The following SCN3A variants were observed in gnomAD, a reference collection of about 807,000 sequenced individuals.
SCN3A encodes the protein sodium voltage-gated channel alpha subunit 3, also known as sodium channel protein type 3 subunit alpha.
SCN3A carries 60 observed loss-of-function variants against 187.6 expected under a neutral mutation model. That is an observed-to-expected ratio of 0.32 (90% CI 0.26 to 0.40). The LOEUF (loss-of-function observed/expected upper bound fraction) is 0.40. Ranked by LOEUF, SCN3A falls within the 10% of genes least tolerant of loss-of-function variation. SCN3A has a pLI of 1.00. For missense variants in SCN3A, 1,601 were observed against 2,428.2 expected (o/e 0.66, Z 7.16); for synonymous variants, 788 against 829.2 (o/e 0.95, Z 0.85).
intron 21 of SCN3A, among the ~76,000 whole-genome samples, chr2:165,111,968 T>C (rs551544641): frequency 1.8e-4 from 27 of 152,318 alleles, no homozygotes; most frequent in African/African-American, 6.5e-4. Context: ...AGAATCTGGA[T>C]AGACCCAGAC....
chr2:165,139,867 C>T (rs1432381175), intron 13 of SCN3A, among the ~76,000 whole-genome samples: 1 of 151,936 alleles, frequency 6.6e-6, no homozygotes, highest in Non-Finnish European at 1.5e-5. Flanking sequence ...TTTAATTAAC[C>T]TGTCACAATT....
intron 11 of SCN3A, 127 bp downstream of exon 11, chr2:165,154,325 T>G (rs1021954097): frequency 1.1e-5 from 12 of 1,046,942 alleles, no homozygotes; most frequent in Non-Finnish European, 1.6e-5. Flanking sequence ...GAATACTTTT[T>G]TTTCTAATGA....
In SCN3A at chr2:165,128,109, A is replaced by T; in HGVS notation, c.2923-8T>A. 4.4e-6 allele frequency: 7 copies of T among 1,591,062 alleles called. No homozygotes were observed. Among genetic ancestry groups the T allele is most frequent in the Non-Finnish European group, 6.0e-6 (7 of 1,168,674 alleles). On this transcript the variant is annotated splice_polypyrimidine_tract_variant and splice_region_variant and intron_variant, in intron 17 of 27. Coordinates refer to ENST00000283254, the MANE Select transcript of SCN3A (RefSeq NM_006922.4). ...CAGAAAGAGGTTCAGAACCTAAAAGAAAAAAAGAAAAATGTCTATTTTAAT... is the reference window on the plus strand; with the variant it reads ...CAGAAAGAGGTTCAGAACCTAAAAGTAAAAAAGAAAAATGTCTATTTTAAT...
rs1684974894 is a variant in SCN3A at position 165,089,442 on chromosome 2, C to T, written c.*708G>A. On this transcript the variant is annotated 3_prime_UTR_variant, in exon 28 of 28. Coordinates refer to ENST00000283254, the MANE Select transcript of SCN3A (RefSeq NM_006922.4). The stretch of plus-strand genomic sequence containing the variant: ...TCTGAAACTTAGAATAAAATTTGCA[C>T]TTGCTGAAACAGAATACTTTGCATA... 6.6e-6 allele frequency: 1 copy of T among 152,540 alleles called. No homozygotes were observed. Among genetic ancestry groups the T allele is most frequent in the Non-Finnish European group, 1.5e-5 (1 of 68,000 alleles). 9.4% of individuals were successfully genotyped at this position (152,540 alleles called of 1,614,324 possible).
intron 15 of SCN3A, among the ~76,000 whole-genome samples, chr2:165,135,579 CA>C (rs1687616183): frequency 6.6e-6 from 1 of 151,984 alleles, no homozygotes; most frequent in South Asian, 2.1e-4. Flanking sequence ...AGCTTAGCAC[CA>C]ATGATAGAAA....
chr2:165,137,316 G>T (rs545672649), intron 15 of SCN3A, among the ~76,000 whole-genome samples: 1 of 152,080 alleles, frequency 6.6e-6, no homozygotes, highest in African/African-American at 2.4e-5. Context: ...TTTCTTACTT[G>T]TTCACCCATT....
At chr2:165,154,875 T>G in intron 10 of SCN3A, among the ~76,000 whole-genome samples, 1 of 152,342 alleles carries the variant, frequency 6.6e-6, no homozygotes, top group Non-Finnish European at 1.5e-5. Context: ...AAATACATTT[T>G]AAACTCATAT....
At chr2:165,199,108 A>G (rs1213577856) in intron 1 of SCN3A, among the ~76,000 whole-genome samples, 1 of 152,088 alleles carries the variant, frequency 6.6e-6, no homozygotes, top group Non-Finnish European at 1.5e-5. Flanking sequence ...AAGTAAGAAT[A>G]AAGTATATTC....
chr2:165,149,181 T>A (rs948060889), intron 11 of SCN3A, among the ~76,000 whole-genome samples: 1 of 282 alleles, frequency 3.5e-3, no homozygotes, highest in African/African-American at 0.026. Context: ...CTTCCAAACT[T>A]TTTTTTTTTT....
chr2:165,100,434 GA>G lies in SCN3A; in HGVS notation c.3844-11del, dbSNP rs71028466. 73 of 1,603,866 alleles carry G rather than the reference GA, an allele frequency of 4.6e-5. No homozygotes were observed. Among genetic ancestry groups the G allele is most frequent in the African/African-American group, 4.2e-4 (31 of 74,232 alleles). On this transcript the variant is annotated splice_polypyrimidine_tract_variant and intron_variant, in intron 21 of 27. Transcript: ENST00000283254. ...GGCTAACCAAAGAAACCTACAAAAG[GA>G]AAAAAAAATTAATTAGTTCACCAAG...
chr2:165,100,560 G>T (rs1237748364), intron 21 of SCN3A, 136 bp from the exon 22 acceptor site: 9 of 809,628 alleles, frequency 1.1e-5, no homozygotes, highest in Non-Finnish European at 1.8e-5. Context: ...TCCACATAGT[G>T]GGGTCATCTT....
At chr2:165,097,998 T>A (rs1685439164) in intron 22 of SCN3A, among the ~76,000 whole-genome samples, 1 of 152,226 alleles carries the variant, frequency 6.6e-6, no homozygotes, top group African/African-American at 2.4e-5. Flanking sequence ...TAACTTTTTA[T>A]GACTACGAAG....
At position 165,130,143 on chromosome 2, in the gene SCN3A, T is replaced by C; in HGVS notation, c.2719A>G (p.Ser907Gly). The change falls in exon 17 of 28, where the codon AGC becomes GGC. Residue 907 changes from serine to glycine, a missense_variant. Ser to Gly is a moderately conservative substitution (Grantham distance 56, BLOSUM62 0). Transcript: ENST00000283254. ...ATCTTGCAGACACATTCTTTGTAGCTCTTACCAAAGAGCTGCATGCCGACC... is the reference window on the plus strand; with the variant it reads ...ATCTTGCAGACACATTCTTTGTAGCCCTTACCAAAGAGCTGCATGCCGACC... ...AVVGMQLFGK[S>G]YKECVCKIND... The C allele has an allele frequency of 6.2e-7, 1 of 1,614,116 alleles. No homozygotes were observed. Among genetic ancestry groups the C allele is most frequent in the Non-Finnish European group, 8.5e-7 (1 of 1,180,014 alleles).
chr2:165,135,931 A>G (rs911882314), intron 15 of SCN3A, among the ~76,000 whole-genome samples: 4 of 152,106 alleles, frequency 2.6e-5, no homozygotes, highest in South Asian at 2.1e-4. Flanking sequence ...ATCACAAACA[A>G]TCTACCAGGC....
At chr2:165,201,207 A>AATAACTGTCTCATATTG in intron 1 of SCN3A, among the ~76,000 whole-genome samples, 1 of 152,088 alleles carries the variant, frequency 6.6e-6, no homozygotes, top group Admixed American at 6.6e-5. Flanking sequence ...GTCTTCTGGA[A>AATAACTGTCTCATATTG]GGCATTATGA....
chr2:165,133,441 G>A (rs1406659039), intron 15 of SCN3A, among the ~76,000 whole-genome samples: 1 of 151,970 alleles, frequency 6.6e-6, no homozygotes, highest in Non-Finnish European at 1.5e-5. Flanking sequence ...TGCTTCAAGT[G>A]ATTCTCCAGT....
intron 1 of SCN3A, among the ~76,000 whole-genome samples, chr2:165,201,564 CA>C (rs1376568169): frequency 2.0e-5 from 3 of 152,006 alleles, no homozygotes; most frequent in Non-Finnish European, 4.4e-5. Context: ...TTTAGTTACA[CA>C]ATCCTGTAAC....
At chr2:165,191,268 T>C (rs563643115) in intron 1 of SCN3A, among the ~76,000 whole-genome samples, 47 of 152,168 alleles carry the variant, frequency 3.1e-4, no homozygotes, top group Non-Finnish European at 5.4e-4. Flanking sequence ...TCAGTCTCCC[T>C]GCTGCCAGCC....
chr2:165,156,500 G>T (rs1300984561), intron 9 of SCN3A, among the ~76,000 whole-genome samples: 1 of 107,004 alleles, frequency 9.3e-6, no homozygotes, highest in Non-Finnish European at 1.8e-5. Flanking sequence ...GTGACAGAGC[G>T]AGACTCTGAC....
Sources: gnomAD v4.1 joint callset for allele counts (sites outside exome capture counted in the v4.1 genomes callset) on GRCh38, gnomAD v4.1.1 for gene constraint, MANE v1.5 for transcripts, NCBI Gene and HGNC (gene_info 2026-07-23, HGNC 2026-07-21) for gene names.